Variants in KCNMA1 observed in about 807,000 individuals in gnomAD.
KCNMA1 encodes the protein potassium calcium-activated channel subfamily M alpha 1, also known as Calcium-activated potassium channel subunit alpha-1.
In KCNMA1, 29 loss-of-function variants were observed where a neutral mutation model predicts 140.0. The observed-to-expected ratio is 0.21, with a 90% CI of 0.15 to 0.28. The LOEUF (loss-of-function observed/expected upper bound fraction) is 0.28, where lower values mean the gene tolerates loss of function less well. Among genes scored for constraint, KCNMA1 ranks in the 10% least tolerant of loss-of-function variants. KCNMA1 has a pLI of 1.00. For missense variants in KCNMA1, 880 were observed against 1,602.2 expected (o/e 0.55, Z 7.70); for synonymous variants, 612 against 611.9 (o/e 1.00, Z 0.00).
rs114419162 is a variant in KCNMA1, at chr10:76,898,390, G to A, written c.3148-6671C>T. 8.6e-3 allele frequency among the ~76,000 whole-genome samples: 1,300 copies of A among 151,758 alleles called. 25 individuals are homozygous for A. Among genetic ancestry groups the A allele is most frequent in the African/African-American group, 0.03 (1,240 of 41,488 alleles). On this transcript the variant is annotated intron_variant, in intron 25 of 27. Transcript: ENST00000286628. ...AATAAATCTGGACTAAGGGTAATAC[G>A]TGAAATATTCCCACTATCACTGTTT...
chr10:77,204,954 CT>C (rs1431282284), intron 3 of KCNMA1, among the ~76,000 whole-genome samples: 2 of 152,146 alleles, frequency 1.3e-5, no homozygotes, highest in Non-Finnish European at 2.9e-5. Context: ...CCCCCTTCCC[CT>C]GATCAGTCAA....
In KCNMA1 at chr10:77,333,358, A is replaced by G. The variant is rs371746211; in HGVS notation, c.540+70504T>C. ...GAGAGACCCATGTCTACCAAAAAAA[A>G]AAAAAAGAAAAAAGAAAGAAAGAGA... On this transcript the variant is annotated intron_variant, in intron 2 of 27. Transcript: ENST00000286628. Among the ~76,000 whole-genome samples, 278 of 90,918 alleles carry G rather than the reference A, an allele frequency of 3.1e-3. 1 individual carries two copies. The highest frequency in any genetic ancestry group is 9.0e-3 in the African/African-American group (255 of 28,232). The allele number at this position is 90,918 out of a possible 152,430, so 59.6% of individuals were successfully genotyped here. A position where few individuals can be genotyped will look rare whatever the true frequency, so the allele number is the denominator to read the frequency against.
At chr10:77,254,147 A>G (rs1320706792) in intron 2 of KCNMA1, among the ~76,000 whole-genome samples, 1 of 152,068 alleles carries the variant, frequency 6.6e-6, no homozygotes, top group East Asian at 1.9e-4. Context: ...ATAGTCACCT[A>G]AGTATTTAAC....
chr10:76,969,021 T>C (rs2075059471), intron 20 of KCNMA1, among the ~76,000 whole-genome samples: 1 of 151,992 alleles, frequency 6.6e-6, no homozygotes, highest in African/African-American at 2.4e-5. Context: ...AGAAACCACA[T>C]AGGGTGAGCA....
At chr10:77,439,018 C>G (rs2097324559) in intron 1 of KCNMA1, among the ~76,000 whole-genome samples, 1 of 146,862 alleles carries the variant, frequency 6.8e-6, no homozygotes, top group Admixed American at 6.8e-5. Flanking sequence ...CGAGGCCGAG[C>G]CCAGATCATG....
At chr10:77,337,578 C>T (rs922370461) in intron 2 of KCNMA1, among the ~76,000 whole-genome samples, 2 of 152,144 alleles carry the variant, frequency 1.3e-5, no homozygotes, top group Non-Finnish European at 2.9e-5. Context: ...CAAGATTGCA[C>T]CACTGCACTC....
intron 2 of KCNMA1, among the ~76,000 whole-genome samples, chr10:77,344,308 T>A (rs1262216081): frequency 6.6e-6 from 1 of 151,952 alleles, no homozygotes; most frequent in Non-Finnish European, 1.5e-5. Context: ...AGTTAATAGG[T>A]TTTTCCAAAT....
Position 77,108,606 on chromosome 10 carries a change from A to C in KCNMA1, c.1132-34T>G. 1 of 1,540,614 alleles carries C rather than the reference A, an allele frequency of 6.5e-7. No homozygotes were observed. Among genetic ancestry groups the C allele is most frequent in the Non-Finnish European group, 9.0e-7 (1 of 1,115,504 alleles). On this transcript the variant is annotated intron_variant, in intron 8 of 27. Transcript: ENST00000286628. This position sits in a 1 kb window ranked among gnomAD's most constrained non-coding sequence, Gnocchi z 4.6. ...ATAGGAGACAGAAGAGAGACTAAAA[A>C]GACAGGCCAAAGAAAAGGGGGGACC... is the stretch of plus-strand genomic sequence containing the variant.
intron 3 of KCNMA1, among the ~76,000 whole-genome samples, chr10:77,200,758 T>TA (rs1348448669): frequency 6.6e-6 from 1 of 152,230 alleles, no homozygotes; most frequent in East Asian, 1.9e-4. Context: ...CAAATAGGGG[T>TA]ACCTGGACAT....
At chr10:77,043,008 C>T (rs2094826077) in intron 14 of KCNMA1, among the ~76,000 whole-genome samples, 1 of 152,224 alleles carries the variant, frequency 6.6e-6, no homozygotes, top group Non-Finnish European at 1.5e-5. Context: ...CCACATATAT[C>T]TGACTTTTAC....
At chr10:77,187,174 T>C (rs1282421976) in intron 3 of KCNMA1, among the ~76,000 whole-genome samples, 1 of 152,166 alleles carries the variant, frequency 6.6e-6, no homozygotes, top group Middle Eastern at 3.2e-3. Flanking sequence ...AAGTATTTGC[T>C]AGGCTGTGGT....
chr10:77,627,359 C>T (rs1303989482), intron 1 of KCNMA1, among the ~76,000 whole-genome samples: 1 of 152,144 alleles, frequency 6.6e-6, no homozygotes, highest in East Asian at 1.9e-4. Context: ...AGGCACGTGA[C>T]ATTGATAAGG....
intron 23 of KCNMA1, among the ~76,000 whole-genome samples, chr10:76,918,640 G>A (rs570512761): frequency 2.0e-5 from 3 of 152,230 alleles, no homozygotes; most frequent in Non-Finnish European, 2.9e-5. Flanking sequence ...CACTGCTGGC[G>A]GCAATGTAAA....
chr10:77,019,140 G>A, intron 16 of KCNMA1, 41 bp from the exon 17 acceptor site: 1 of 1,090,626 alleles, frequency 9.2e-7, no homozygotes, highest in Middle Eastern at 2.0e-4. Context: ...ATACATTTGT[G>A]AGGTCATGTT....
chr10:77,569,538 G>A (rs999774362), intron 1 of KCNMA1, among the ~76,000 whole-genome samples: 7 of 150,858 alleles, frequency 4.6e-5, no homozygotes, highest in African/African-American at 9.7e-5. Context: ...GCCATATGTA[G>A]AAAGCTGAAA....
At chr10:77,329,901 T>C (rs892714933) in intron 2 of KCNMA1, among the ~76,000 whole-genome samples, 1 of 152,172 alleles carries the variant, frequency 6.6e-6, no homozygotes, top group African/African-American at 2.4e-5. Context: ...AAGGTTATTA[T>C]AAAAATTAAA....
chr10:77,134,445 A>G (rs1351158115), intron 5 of KCNMA1, among the ~76,000 whole-genome samples: 1 of 151,982 alleles, frequency 6.6e-6, no homozygotes, highest in Non-Finnish European at 1.5e-5. Context: ...TAAATTAATT[A>G]AATGAAACTA....
intron 2 of KCNMA1, among the ~76,000 whole-genome samples, chr10:77,394,799 A>G (rs938530617): frequency 2.6e-5 from 4 of 152,186 alleles, no homozygotes; most frequent in African/African-American, 9.7e-5. Flanking sequence ...TTGAAGAGGA[A>G]TATTGACAGG....
intron 1 of KCNMA1, among the ~76,000 whole-genome samples, chr10:77,529,260 G>A (rs190444271): frequency 6.7e-6 from 1 of 149,764 alleles, no homozygotes; most frequent in African/African-American, 2.5e-5. Flanking sequence ...CACTCTGCCT[G>A]TGGTTTCCCA....
Sources: gnomAD v4.1 joint callset for allele counts (sites outside exome capture counted in the v4.1 genomes callset) on GRCh38, gnomAD v4.1.1 for gene constraint, Gnocchi (gnomAD v3.1) non-coding constraint, MANE v1.5 for transcripts, NCBI Gene and HGNC (gene_info 2026-07-23, HGNC 2026-07-21) for gene names.